PCYT1B: variants seen among roughly 807,000 people sequenced by gnomAD.
The protein encoded by PCYT1B is choline-phosphate cytidylyltransferase B.
In PCYT1B, 10 loss-of-function variants were observed where a neutral mutation model predicts 26.4. That is an observed-to-expected ratio of 0.38 (90% CI 0.23 to 0.64). PCYT1B has a LOEUF of 0.64. Ranked by LOEUF, PCYT1B falls within the 30% of genes least tolerant of loss-of-function variation. The pLI is 0.56. For missense variants in PCYT1B, 161 were observed against 292.7 expected (o/e 0.55, Z 3.28); for synonymous variants, 131 against 108.4 (o/e 1.21, Z -1.29).
chrX:24,666,583 T>C (rs1244328238), intron 1 of PCYT1B, among the ~76,000 whole-genome samples: 1 of 103,512 alleles, frequency 9.7e-6, no homozygotes, highest in Non-Finnish European at 2.0e-5. Flanking sequence ...AAATTTTCTT[T>C]TCTCTTTCCG....
intron 3 of PCYT1B, among the ~76,000 whole-genome samples, chrX:24,598,942 TAAAAA>T (rs1180912632): frequency 1.8e-5 from 2 of 112,131 alleles, no homozygotes; most frequent in Non-Finnish European, 3.8e-5. Flanking sequence ...TTTTGTTTTT[TAAAAA>T]AGGTTGTAAG....
At chrX:24,564,231 G>A (rs769125487) in intron 7 of PCYT1B, among the ~76,000 whole-genome samples, 4 of 110,555 alleles carry the variant, frequency 3.6e-5, no homozygotes, top group East Asian at 2.9e-4. Context: ...GGCCCGGCCC[G>A]GGATGATGGC....
At chrX:24,661,449 T>C (rs777140403) in intron 1 of PCYT1B, among the ~76,000 whole-genome samples, 5 of 112,033 alleles carry the variant, frequency 4.5e-5, no homozygotes, top group Non-Finnish European at 9.4e-5. Context: ...ACTGCTAACA[T>C]GACAGAAAGA....
intron 1 of PCYT1B, among the ~76,000 whole-genome samples, chrX:24,629,556 T>G (rs1925982247): frequency 7.4e-5 from 1 of 13,472 alleles, no homozygotes; most frequent in Admixed American, 1.8e-3. Context: ...TGAGACCCTG[T>G]CTCAAAAAAA....
chrX:24,590,004 G>T lies in PCYT1B; in HGVS notation c.486+19C>A, dbSNP rs1380389861. 4 of 1,176,109 alleles carry T rather than the reference G, an allele frequency of 3.4e-6. No individual in the cohort carries two copies. The highest frequency in any genetic ancestry group is 4.6e-6 in the Non-Finnish European group (4 of 870,241). On this transcript the variant is annotated intron_variant, in intron 4 of 7. Coordinates refer to ENST00000379144, the MANE Select transcript of PCYT1B (RefSeq NM_004845.5). ...TCCCTAATCTTGCTACTTAGAGAAT[G>T]TGGGAGAATGAGAAGTACCTTGTGT...
At chrX:24,569,101 A>AAAC (rs1276914510) in intron 7 of PCYT1B, among the ~76,000 whole-genome samples, 2 of 111,280 alleles carry the variant, frequency 1.8e-5, no homozygotes, top group Non-Finnish European at 3.8e-5. Context: ...TCTGTCTTAA[A>AAAC]AACAACAACA....
intron 2 of PCYT1B, among the ~76,000 whole-genome samples, chrX:24,615,989 C>G (rs1602182541): frequency 9.0e-6 from 1 of 111,610 alleles, no homozygotes; most frequent in African/African-American, 3.2e-5. Flanking sequence ...GGACACTTGA[C>G]AAGTTACTTT....
intron 1 of PCYT1B, among the ~76,000 whole-genome samples, chrX:24,639,964 A>G (rs1926412417): frequency 8.9e-6 from 1 of 111,756 alleles, no homozygotes; most frequent in African/African-American, 3.3e-5. Context: ...TCATCTTAAA[A>G]GAATGAGCCA....
chrX:24,592,082 G>A (rs1924585264), intron 3 of PCYT1B, among the ~76,000 whole-genome samples: 2 of 111,279 alleles, frequency 1.8e-5, no homozygotes, highest in Admixed American at 1.9e-4. Context: ...GGTAACCACT[G>A]TTCTACTCTC....
chrX:24,664,801 T>C (rs1927094554), intron 1 of PCYT1B, among the ~76,000 whole-genome samples: 1 of 111,096 alleles, frequency 9.0e-6, no homozygotes, highest in African/African-American at 3.3e-5. Flanking sequence ...CCGCTAAACA[T>C]ACAAAAATTA....
intron 2 of PCYT1B, among the ~76,000 whole-genome samples, chrX:24,608,382 G>A (rs760000632): frequency 3.6e-5 from 4 of 111,738 alleles, no homozygotes; most frequent in South Asian, 3.7e-4. Context: ...GTGCTTCCAC[G>A]ACAGAAGTTG....
intron 2 of PCYT1B, 133 bp downstream of exon 2, chrX:24,618,852 C>T (rs1925605624): frequency 5.6e-6 from 2 of 357,537 alleles, no homozygotes; most frequent in South Asian, 7.7e-5. Context: ...AAACTCCTGA[C>T]CTCAAGGTGA....
rs751072518 is a variant in PCYT1B at position 24,590,167 on chromosome X, A to G, written c.342T>C (p.Ser114=). 2.6e-5 allele frequency: 31 copies of G among 1,206,712 alleles called. No homozygotes were observed. The Admixed American group carries it at 4.4e-4, about 17-fold the overall frequency. The change falls in exon 4 of 8, where the codon AGT becomes AGC. Residue 114 remains serine, a synonymous_variant. Coordinates refer to ENST00000379144, the MANE Select transcript of PCYT1B (RefSeq NM_004845.5). The part of the protein sequence containing the change: ...PNSYLLVGVC[S]DDLTHKFKGF... ...CTTTGAATTTGTGGGTGAGATCATC[A>G]CTGCAAACTAAAACAGGCAAATGCA...
intron 1 of PCYT1B, among the ~76,000 whole-genome samples, chrX:24,655,766 AGAGT>A (rs1884881782): frequency 9.1e-6 from 1 of 109,730 alleles, no homozygotes; most frequent in African/African-American, 3.3e-5. Flanking sequence ...CCTGGGTGAC[AGAGT>A]GAGACCCTGT....
chrX:24,644,187 A>G (rs1346963033), intron 1 of PCYT1B, among the ~76,000 whole-genome samples: 1 of 112,228 alleles, frequency 8.9e-6, no homozygotes, highest in Non-Finnish European at 1.9e-5. Flanking sequence ...TTAGCAAAGG[A>G]AAGTTAGGCT....
At chrX:24,662,801 C>T (rs1021308419) in intron 1 of PCYT1B, among the ~76,000 whole-genome samples, 37 of 112,027 alleles carry the variant, frequency 3.3e-4, no homozygotes, top group African/African-American at 1.1e-3. Flanking sequence ...TTATCCGGCC[C>T]CTTTTGTTGT....
chrX:24,612,734 G>GTTGT (rs1279113454), intron 2 of PCYT1B, among the ~76,000 whole-genome samples: 1 of 112,280 alleles, frequency 8.9e-6, no homozygotes, highest in Non-Finnish European at 1.9e-5. Context: ...CAGTTTGGCA[G>GTTGT]TTGTTTAAAA....
intron 3 of PCYT1B, among the ~76,000 whole-genome samples, chrX:24,591,947 C>A (rs1250690393): frequency 9.0e-6 from 1 of 110,713 alleles, no homozygotes; most frequent in Non-Finnish European, 1.9e-5. Context: ...TTGAAATATA[C>A]AATATTGTTA....
intron 3 of PCYT1B, among the ~76,000 whole-genome samples, chrX:24,591,930 A>C (rs961101627): frequency 9.0e-6 from 1 of 111,302 alleles, no homozygotes; most frequent in African/African-American, 3.3e-5. Flanking sequence ...TCTGTCTTAT[A>C]GCTATTTTGA....
Sources: gnomAD v4.1 joint callset for allele counts (sites outside exome capture counted in the v4.1 genomes callset) on GRCh38, gnomAD v4.1.1 for gene constraint, MANE v1.5 for transcripts, NCBI Gene and HGNC (gene_info 2026-07-23, HGNC 2026-07-21) for gene names.